ME3: variants seen among roughly 807,000 people sequenced by gnomAD.
The protein encoded by ME3 is NADP-dependent malic enzyme, mitochondrial.
A neutral mutation model predicts 68.9 loss-of-function variants in ME3; 48 were observed. The ratio of observed to expected loss-of-function variants is 0.70; its 90% CI spans 0.55 to 0.89. The LOEUF is 0.89. Among genes scored for constraint, ME3 ranks in the 40% least tolerant of loss-of-function variants. The pLI is 0.00. For missense variants in ME3, 675 were observed against 797.4 expected (o/e 0.85, Z 1.85); for synonymous variants, 320 against 318.8 (o/e 1.00, Z -0.04).
intron 2 of ME3, among the ~76,000 whole-genome samples, chr11:86,596,781 A>C (rs762402128): frequency 6.6e-6 from 1 of 152,334 alleles, no homozygotes; most frequent in African/African-American, 2.4e-5. Context: ...ACCTTATTCT[A>C]TGTGTAACTC....
intron 6 of ME3, 112 bp from the exon 7 acceptor site, chr11:86,487,552 G>T (rs1010574465): frequency 5.2e-5 from 42 of 804,838 alleles, no homozygotes; most frequent in Non-Finnish European, 7.0e-5. Flanking sequence ...AGGAGAGGGG[G>T]GAGTAAGAAG....
At chr11:86,484,795 A>G (rs1056582469) in intron 7 of ME3, among the ~76,000 whole-genome samples, 1 of 152,204 alleles carries the variant, frequency 6.6e-6, no homozygotes, top group Non-Finnish European at 1.5e-5. Flanking sequence ...CTGTACTTGG[A>G]GTCAGTAGTC....
chr11:86,537,030 G>A (rs28716504), intron 4 of ME3, among the ~76,000 whole-genome samples: 25,287 of 149,908 alleles, frequency 0.17, 2,306 homozygotes, highest in African/African-American at 0.23. Context: ...GTAAACTATC[G>A]GAAGAACAAA....
At chr11:86,573,553 A>G (rs1399117604) in intron 2 of ME3, among the ~76,000 whole-genome samples, 1 of 151,098 alleles carries the variant, frequency 6.6e-6, no homozygotes, top group African/African-American at 2.5e-5. Flanking sequence ...AGTTTTCTAA[A>G]TATAGAGTCA....
chr11:86,512,829 A>G (rs1165568143), intron 4 of ME3, among the ~76,000 whole-genome samples: 1 of 152,234 alleles, frequency 6.6e-6, no homozygotes, highest in Non-Finnish European at 1.5e-5. Context: ...GTACCAGAAT[A>G]TGCCATCCTA....
chr11:86,502,444 G>A (rs139057591), intron 5 of ME3, among the ~76,000 whole-genome samples: 6 of 152,224 alleles, frequency 3.9e-5, no homozygotes, highest in African/African-American at 1.4e-4. Flanking sequence ...CTTGGTGTCT[G>A]TAATGTGATA....
chr11:86,641,602 TA>T (rs1472019662), intron 2 of ME3, among the ~76,000 whole-genome samples: 1 of 152,204 alleles, frequency 6.6e-6, no homozygotes, highest in African/African-American at 2.4e-5. Flanking sequence ...CTACACTGAG[TA>T]AGTTACACAG....
chr11:86,460,707 C>A (rs1950186979), intron 8 of ME3, among the ~76,000 whole-genome samples: 1 of 152,236 alleles, frequency 6.6e-6, no homozygotes, highest in Non-Finnish European at 1.5e-5. Context: ...CTCCCTCTCA[C>A]CCCTTCACTC....
chr11:86,446,185 A>T, intron 13 of ME3, 129 bp downstream of exon 13: 1 of 1,082,224 alleles, frequency 9.2e-7, no homozygotes, highest in Non-Finnish European at 1.3e-6. Context: ...CTTGAGGTTT[A>T]AGCACTTTGG....
chr11:86,546,047 A>G (rs1412343689), intron 4 of ME3, among the ~76,000 whole-genome samples: 2 of 152,242 alleles, frequency 1.3e-5, no homozygotes, highest in Admixed American at 1.3e-4. Context: ...CAAACCTGAC[A>G]AAAACAAGCA....
chr11:86,617,069 T>G lies in ME3; in HGVS notation c.183+54693A>C, dbSNP rs1006135844. Among the ~76,000 whole-genome samples, 298 of 140,704 alleles carry G rather than the reference T, an allele frequency of 2.1e-3. 3 individuals are homozygous for G. The highest frequency in any genetic ancestry group is 7.6e-3 in the African/African-American group (291 of 38,470). The allele number at this position is 140,704 out of a possible 152,430, so 92.3% of individuals were successfully genotyped here. A position where few individuals can be genotyped will look rare whatever the true frequency, so the allele number is the denominator to read the frequency against. ...AGTTTTTTTTTTTTTTTTTTTTTTTTTTTTTTTTTAAAGATGAAGAACAAG... is the reference window on the plus strand; with the variant it reads ...AGTTTTTTTTTTTTTTTTTTTTTTTGTTTTTTTTTAAAGATGAAGAACAAG... On this transcript the variant is annotated intron_variant, in intron 2 of 14. Coordinates refer to ENST00000543262, the Ensembl canonical transcript of ME3.
chr11:86,599,103 A>C (rs995141997), intron 2 of ME3, among the ~76,000 whole-genome samples: 6 of 152,248 alleles, frequency 3.9e-5, no homozygotes, highest in Admixed American at 1.3e-4. Flanking sequence ...TGGACGGAGA[A>C]TGACTTTGAC....
chr11:86,505,349 A>T (rs1953002205), intron 5 of ME3, among the ~76,000 whole-genome samples: 1 of 152,058 alleles, frequency 6.6e-6, no homozygotes, highest in Non-Finnish European at 1.5e-5. Context: ...GCTCTAGTGG[A>T]CCTGTTCACA....
intron 2 of ME3, among the ~76,000 whole-genome samples, chr11:86,663,085 C>T (rs933915779): frequency 1.3e-5 from 2 of 152,138 alleles, no homozygotes; most frequent in Admixed American, 6.6e-5. Flanking sequence ...GTTTCATGAC[C>T]AATTAAGTAA....
chr11:86,572,424 T>TC (rs1957851588), intron 2 of ME3, among the ~76,000 whole-genome samples: 1 of 152,154 alleles, frequency 6.6e-6, no homozygotes, highest in South Asian at 2.1e-4. Context: ...CCTAATGCTC[T>TC]CCCTCCCTTT....
chr11:86,619,045 C>T (rs1016549035), intron 2 of ME3, among the ~76,000 whole-genome samples: 10 of 152,090 alleles, frequency 6.6e-5, no homozygotes, highest in African/African-American at 2.2e-4. Flanking sequence ...GCACCTTCTT[C>T]CCCCCAACCC....
intron 8 of ME3, among the ~76,000 whole-genome samples, chr11:86,455,305 A>G (rs1045697507): frequency 3.3e-5 from 5 of 152,248 alleles, no homozygotes; most frequent in Non-Finnish European, 7.3e-5. Flanking sequence ...AAACAGTAGA[A>G]CACAGTGGGT....
At chr11:86,612,953 C>T (rs1180167137) in intron 2 of ME3, among the ~76,000 whole-genome samples, 1 of 152,236 alleles carries the variant, frequency 6.6e-6, no homozygotes, top group South Asian at 2.1e-4. Context: ...GTTGCAATTG[C>T]TTTTGGTGTT....
intron 4 of ME3, among the ~76,000 whole-genome samples, chr11:86,556,048 G>A (rs914365090): frequency 6.6e-6 from 1 of 152,124 alleles, no homozygotes; most frequent in African/African-American, 2.4e-5. Context: ...CTTTGGCTCT[G>A]AGAGAAAATG....
Sources: gnomAD v4.1 joint callset for allele counts (sites outside exome capture counted in the v4.1 genomes callset) on GRCh38, gnomAD v4.1.1 for gene constraint, MANE v1.5 for transcripts, NCBI Gene and HGNC (gene_info 2026-07-23, HGNC 2026-07-21) for gene names.